The following VWA3B variants were observed in gnomAD, a reference collection of about 807,000 sequenced individuals.
VWA3B encodes von Willebrand factor A domain-containing protein 3B.
In VWA3B, 138 loss-of-function variants were observed where a neutral mutation model predicts 158.3. The ratio of observed to expected loss-of-function variants is 0.87; its 90% CI spans 0.76 to 1.00. VWA3B has a LOEUF of 1.00. VWA3B is among the 50% of genes least tolerant of loss of function. VWA3B has a pLI of 0.00. For synonymous variants in VWA3B, 596 were observed against 587.3 expected (o/e 1.01, Z -0.21); for missense variants, 1,555 against 1,565.1 (o/e 0.99, Z 0.11).
chr2:98,319,876 TCACACACA>T, the VWA3B span, among the ~76,000 whole-genome samples: 402 of 147,428 alleles, frequency 2.7e-3, no homozygotes, highest in Non-Finnish European at 4.6e-3. Context: ...TGAGACTCCA[TCACACACA>T]CACACACACA....
chr2:98,266,634 G>C (rs1272101838), intron 21 of VWA3B, among the ~76,000 whole-genome samples: 3 of 133,410 alleles, frequency 2.2e-5, no homozygotes, highest in African/African-American at 8.6e-5. Context: ...AATTACCTTG[G>C]GCAGTATGGC....
At chr2:98,219,817 T>A (rs1307211031) in intron 14 of VWA3B, among the ~76,000 whole-genome samples, 1 of 152,174 alleles carries the variant, frequency 6.6e-6, no homozygotes, top group African/African-American at 2.4e-5. Context: ...ACATAGAGCC[T>A]ATGCGGACTG....
At chr2:98,172,764 G>T (rs961675679) in intron 8 of VWA3B, among the ~76,000 whole-genome samples, 4 of 152,204 alleles carry the variant, frequency 2.6e-5, no homozygotes, top group African/African-American at 9.6e-5. Flanking sequence ...GAGGAGAACT[G>T]GGTCAGGGTG....
chr2:98,198,519 A>G lies in VWA3B; in HGVS notation c.1737+4027A>G, dbSNP rs1048165338. On this transcript the variant is annotated intron_variant, in intron 12 of 27. Coordinates refer to ENST00000477737, the MANE Select transcript of VWA3B (RefSeq NM_144992.5). ...TTCACCTTGGTTTCCTCCACATCCTAGTTGAATCTTATTTTAATTTGCATG... is the reference window on the plus strand; with the variant it reads ...TTCACCTTGGTTTCCTCCACATCCTGGTTGAATCTTATTTTAATTTGCATG... Among the ~76,000 whole-genome samples the G allele has an allele frequency of 2.0e-5, 3 of 149,618 alleles. No homozygotes were observed. The Admixed American group carries it at 2.0e-4, about 10-fold the overall frequency.
intron 8 of VWA3B, among the ~76,000 whole-genome samples, chr2:98,172,706 A>G (rs1274545621): frequency 1.3e-5 from 2 of 152,166 alleles, no homozygotes; most frequent in Non-Finnish European, 2.9e-5. Context: ...TGTCAAAAGT[A>G]AGCTCCTAGA....
downstream of VWA3B, among the ~76,000 whole-genome samples, chr2:98,315,707 T>C (rs140985682): frequency 6.4e-4 from 97 of 152,234 alleles, 1 homozygote; most frequent in African/African-American, 2.2e-3. Context: ...GGTGGATGGG[T>C]TGTAGCCAAC....
intron 12 of VWA3B, among the ~76,000 whole-genome samples, chr2:98,203,592 T>C (rs1442602984): frequency 6.6e-6 from 1 of 152,256 alleles, no homozygotes; most frequent in South Asian, 2.1e-4. Flanking sequence ...TATTTAGGTC[T>C]TTGATTTATT....
chr2:98,326,094 C>A, the VWA3B span, among the ~76,000 whole-genome samples: 1 of 151,952 alleles, frequency 6.6e-6, no homozygotes, highest in African/African-American at 2.4e-5. Context: ...ATCCATGCAA[C>A]AAAGAAGAAA....
At chr2:98,214,915 T>C (rs62156664) in intron 13 of VWA3B, among the ~76,000 whole-genome samples, 7,190 of 152,270 alleles carry the variant, frequency 0.047, 255 homozygotes, top group Middle Eastern at 0.082. Flanking sequence ...ATGTTTTGAT[T>C]GATACTGCCG....
chr2:98,093,541 CTG>C (rs1682505043), intron 2 of VWA3B, among the ~76,000 whole-genome samples: 1 of 152,050 alleles, frequency 6.6e-6, no homozygotes, highest in South Asian at 2.1e-4. Context: ...ACAGATAAAA[CTG>C]TATGTATTTA....
At chr2:98,260,884 T>G (rs1011350002) in intron 21 of VWA3B, among the ~76,000 whole-genome samples, 1 of 151,758 alleles carries the variant, frequency 6.6e-6, no homozygotes, top group Admixed American at 6.6e-5. Flanking sequence ...TGGAATATCT[T>G]TTTTCATCCT....
intron 13 of VWA3B, chr2:98,212,233 G>A (rs1683589793): frequency 2.0e-6 from 1 of 495,674 alleles, no homozygotes; most frequent in Non-Finnish European, 3.6e-6. Context: ...ATGAGACAGT[G>A]AATGTTGCCT....
At position 98,236,554 on chromosome 2, in the gene VWA3B, C is replaced by T. The variant is rs750636451; in HGVS notation, c.2517-20C>T. ...CCATCAAGTTGTAAATTTTAAAACA[C>T]CACCTCCTTGTGTTCTTAGTTCTTC... On this transcript the variant is annotated intron_variant, in intron 18 of 27. Coordinates refer to ENST00000477737, the MANE Select transcript of VWA3B (RefSeq NM_144992.5). 5.6e-6 allele frequency: 9 copies of T among 1,613,908 alleles called. No homozygotes were observed. The highest frequency in any genetic ancestry group is 1.1e-5 in the South Asian group (1 of 91,038).
chr2:98,317,252 C>A (rs1235978229), downstream of VWA3B, among the ~76,000 whole-genome samples: 2 of 152,122 alleles, frequency 1.3e-5, no homozygotes, highest in African/African-American at 2.4e-5. Context: ...ATAACACAAT[C>A]CAAGTAAAAA....
At chr2:98,117,011 C>A (rs1289455893) in intron 3 of VWA3B, among the ~76,000 whole-genome samples, 1 of 152,152 alleles carries the variant, frequency 6.6e-6, no homozygotes, top group Non-Finnish European at 1.5e-5. Flanking sequence ...TCATCCAATT[C>A]TTGGATTATT....
chr2:98,215,092 T>C (rs1683860917), intron 13 of VWA3B, among the ~76,000 whole-genome samples: 1 of 152,170 alleles, frequency 6.6e-6, no homozygotes, highest in Non-Finnish European at 1.5e-5. Context: ...AAGATCGATA[T>C]ATTTTACCAG....
In VWA3B at chr2:98,224,858, G is replaced by A. The variant is rs573683395; in HGVS notation, c.2020-3344G>A. Among the ~76,000 whole-genome samples, 8 of 152,032 alleles carry A rather than the reference G, an allele frequency of 5.3e-5. No individual in the cohort carries two copies. The East Asian group carries it at 1.4e-3, about 26-fold the overall frequency. ...AAAAGGATTTTTTGAAATACATCAT[G>A]CAAAAATCCTCAACAAAATATTAGT... On this transcript the variant is annotated intron_variant, in intron 14 of 27. Coordinates refer to ENST00000477737, the MANE Select transcript of VWA3B (RefSeq NM_144992.5).
intron 1 of VWA3B, among the ~76,000 whole-genome samples, chr2:98,087,756 A>G (rs1681969071): frequency 6.6e-6 from 1 of 152,216 alleles, no homozygotes; most frequent in Non-Finnish European, 1.5e-5. Flanking sequence ...CCTGAACATA[A>G]GGATAAATAT....
chr2:98,205,121 A>T (rs1194039826), intron 12 of VWA3B, among the ~76,000 whole-genome samples: 4 of 152,182 alleles, frequency 2.6e-5, no homozygotes, highest in Admixed American at 6.5e-5. Context: ...ATAAATAAAT[A>T]AATTAATGAA....
Sources: allele counts gnomAD v4.1 joint callset (sites outside exome capture counted in the v4.1 genomes callset), GRCh38; gene constraint gnomAD v4.1.1; transcripts MANE v1.5; gene names NCBI Gene and HGNC (gene_info 2026-07-23, HGNC 2026-07-21).